RNF180: variants seen among roughly 807,000 people sequenced by gnomAD.
RNF180 encodes the protein ring finger protein 180.
A neutral mutation model predicts 59.2 loss-of-function variants in RNF180; 38 were observed. That is an observed-to-expected ratio of 0.64 (90% CI 0.50 to 0.84). The LOEUF (loss-of-function observed/expected upper bound fraction) is 0.84. Among genes scored for constraint, RNF180 ranks in the 40% least tolerant of loss-of-function variants. RNF180 has a pLI of 0.00. For missense variants in RNF180, 705 were observed against 700.9 expected (o/e 1.01, Z -0.07); for synonymous variants, 262 against 240.3 (o/e 1.09, Z -0.84).
chr5:64,232,710 A>G (rs1742171312), intron 5 of RNF180, among the ~76,000 whole-genome samples: 1 of 152,252 alleles, frequency 6.6e-6, no homozygotes, highest in Non-Finnish European at 1.5e-5. Context: ...AAAGAATGGC[A>G]ATAATGATAG....
rs911306839 is a variant in RNF180, at chr5:64,360,083, T to C, written c.1580-9532T>C. ...TCAGGTAGTGTGATGCCTCCAGCTT[T>C]GTTCTATTGGCTTAGGATTGACTTG... On this transcript the variant is annotated intron_variant, in intron 7 of 7. Transcript: ENST00000389100. Among the ~76,000 whole-genome samples, 6 of 152,008 alleles carry C rather than the reference T, an allele frequency of 3.9e-5. 1 individual carries two copies. The East Asian group carries it at 7.8e-4, about 20-fold the overall frequency.
intron 7 of RNF180, among the ~76,000 whole-genome samples, chr5:64,345,573 G>C (rs953706801): frequency 2.6e-5 from 4 of 152,146 alleles, no homozygotes; most frequent in Non-Finnish European, 5.9e-5. Flanking sequence ...TATAGTCTAA[G>C]CAATTTCTTA....
At chr5:64,186,158 C>T (rs1247293915) in intron 1 of RNF180, among the ~76,000 whole-genome samples, 1 of 152,100 alleles carries the variant, frequency 6.6e-6, no homozygotes, top group Non-Finnish European at 1.5e-5. Context: ...GTGACAATTC[C>T]TCTTGCCCTG....
chr5:64,364,392 T>C (rs186599573), intron 7 of RNF180, among the ~76,000 whole-genome samples: 2 of 151,986 alleles, frequency 1.3e-5, no homozygotes, highest in African/African-American at 4.8e-5. Flanking sequence ...CCACATACAT[T>C]GAACTACACT....
Position 64,364,526 on chromosome 5 carries a change from A to T in RNF180, c.1580-5089A>T, listed in dbSNP as rs1746374735. Among the ~76,000 whole-genome samples, 6 of 151,586 alleles carry T rather than the reference A, an allele frequency of 4.0e-5. No individual in the cohort carries two copies. The Admixed American group carries it at 4.0e-4, about 10-fold the overall frequency. The stretch of plus-strand genomic sequence containing the variant: ...GATGTTTGTCAAGGACATTGGCCTG[A>T]AGTTTTATTTTTTTGTTCTTGTGTC... On this transcript the variant is annotated intron_variant, in intron 7 of 7. Coordinates refer to ENST00000389100, the MANE Select transcript of RNF180 (RefSeq NM_001113561.2).
chr5:64,263,472 T>G (rs1041981199), intron 5 of RNF180, among the ~76,000 whole-genome samples: 1 of 152,132 alleles, frequency 6.6e-6, no homozygotes, highest in East Asian at 1.9e-4. Context: ...TAAAAGAAAA[T>G]TAACTATGTA....
chr5:64,274,846 T>C (rs1466303827), intron 5 of RNF180, among the ~76,000 whole-genome samples: 1 of 152,048 alleles, frequency 6.6e-6, no homozygotes, highest in Non-Finnish European at 1.5e-5. Flanking sequence ...ATCAGGGTTT[T>C]AAACCTTTTA....
chr5:64,199,355 A>C (rs1265101562), intron 1 of RNF180, among the ~76,000 whole-genome samples: 2 of 152,168 alleles, frequency 1.3e-5, no homozygotes, highest in Non-Finnish European at 2.9e-5. Context: ...TTAACTGTTA[A>C]TAGTATGCAT....
intron 4 of RNF180, 48 bp from the exon 5 acceptor site, chr5:64,217,313 A>G: frequency 7.4e-7 from 1 of 1,349,776 alleles, no homozygotes. Context: ...ACTTTTACAG[A>G]CATTCATGTG....
intron 5 of RNF180, among the ~76,000 whole-genome samples, chr5:64,232,309 C>T (rs1405799109): frequency 6.6e-6 from 1 of 152,130 alleles, no homozygotes; most frequent in East Asian, 1.9e-4. Flanking sequence ...GGACCAGCTG[C>T]ATCAGAATCA....
In RNF180 at chr5:64,245,453, G is replaced by A. The variant is rs556392375; in HGVS notation, c.1227+28057G>A. Among the ~76,000 whole-genome samples the A allele has an allele frequency of 6.6e-5, 10 of 152,164 alleles. No individual in the cohort carries two copies. In the South Asian group the frequency reaches 2.1e-3, roughly 31 times the overall value. Reference sequence around the variant, plus strand: ...AACAAGCACATGGAAAGCAAAAAAAGCAGGGGTTGCAATCCTAGTCTCTGA... The same window carrying A: ...AACAAGCACATGGAAAGCAAAAAAAACAGGGGTTGCAATCCTAGTCTCTGA... On this transcript the variant is annotated intron_variant, in intron 5 of 7. Transcript: ENST00000389100.
chr5:64,280,367 TG>T (rs1399807109), intron 5 of RNF180, among the ~76,000 whole-genome samples: 2 of 152,184 alleles, frequency 1.3e-5, no homozygotes, highest in Non-Finnish European at 2.9e-5. Context: ...GCTTTGTCTT[TG>T]TAATGAAATC....
At chr5:64,328,062 A>C (rs1203173309) in intron 6 of RNF180, among the ~76,000 whole-genome samples, 1 of 152,186 alleles carries the variant, frequency 6.6e-6, no homozygotes, top group Non-Finnish European at 1.5e-5. Context: ...AAGGGAAGGG[A>C]AGGAATAATA....
chr5:64,334,164 G>T (rs1267505931), intron 7 of RNF180, among the ~76,000 whole-genome samples: 1 of 152,154 alleles, frequency 6.6e-6, no homozygotes, highest in Non-Finnish European at 1.5e-5. Context: ...AAGAGGAAAG[G>T]CTAGGAGTAG....
intron 5 of RNF180, among the ~76,000 whole-genome samples, chr5:64,228,522 A>G (rs537379304): frequency 6.6e-6 from 1 of 152,304 alleles, no homozygotes; most frequent in South Asian, 2.1e-4. Context: ...TCAAAAATAA[A>G]ATAAAATGCC....
At chr5:64,203,839 T>G (rs972288981) in intron 2 of RNF180, among the ~76,000 whole-genome samples, 1 of 152,014 alleles carries the variant, frequency 6.6e-6, no homozygotes, top group Admixed American at 6.6e-5. Context: ...TAAATTCCCT[T>G]TATAAAACAT....
chr5:64,345,758 T>C (rs1006642629), intron 7 of RNF180, among the ~76,000 whole-genome samples: 43 of 152,182 alleles, frequency 2.8e-4, no homozygotes, highest in Admixed American at 2.8e-3. Flanking sequence ...GATAATTATC[T>C]AATATAACTC....
intron 7 of RNF180, among the ~76,000 whole-genome samples, chr5:64,337,842 CTTT>C (rs1456861526): frequency 6.6e-6 from 1 of 152,120 alleles, no homozygotes; most frequent in African/African-American, 2.4e-5. Context: ...GAACTCATCT[CTTT>C]TATGGCTGCA....
At chr5:64,208,520 T>A (rs940077551) in intron 2 of RNF180, among the ~76,000 whole-genome samples, 3 of 151,964 alleles carry the variant, frequency 2.0e-5, no homozygotes, top group Non-Finnish European at 4.4e-5. Context: ...TTTAAAAAAT[T>A]AACTGACTTA....
Sources: gnomAD v4.1 joint callset for allele counts (sites outside exome capture counted in the v4.1 genomes callset) on GRCh38, gnomAD v4.1.1 for gene constraint, MANE v1.5 for transcripts, NCBI Gene and HGNC (gene_info 2026-07-23, HGNC 2026-07-21) for gene names.